SGCD: variants seen among roughly 807,000 people sequenced by gnomAD.
SGCD encodes sarcoglycan delta, also known as delta-sarcoglycan.
In SGCD, 18 loss-of-function variants were observed where a neutral mutation model predicts 36.6. That is an observed-to-expected ratio of 0.49 (90% CI 0.34 to 0.73). SGCD has a LOEUF of 0.73. Among genes scored for constraint, SGCD ranks in the 30% least tolerant of loss-of-function variants. The pLI is 0.01. For synonymous variants in SGCD, 133 were observed against 130.6 expected (o/e 1.02, Z -0.12); for missense variants, 387 against 346.7 (o/e 1.12, Z -0.92).
chr5:155,988,305 C>G (rs1758371462), intron 1 of SGCD, among the ~76,000 whole-genome samples: 1 of 152,088 alleles, frequency 6.6e-6, no homozygotes. Flanking sequence ...CAGCCATACC[C>G]TTTCCTTTCG....
chr5:155,800,628 G>C, the SGCD span, among the ~76,000 whole-genome samples: 1 of 151,778 alleles, frequency 6.6e-6, no homozygotes, highest in Non-Finnish European at 1.5e-5. Context: ...TTACCGGAAT[G>C]TGGCTGGAGT....
chr5:156,378,945 A>G (rs1770826131), intron 3 of SGCD, among the ~76,000 whole-genome samples: 1 of 152,182 alleles, frequency 6.6e-6, no homozygotes, highest in African/African-American at 2.4e-5. Context: ...TTTTATGATG[A>G]ATCACTTTTT....
intron 3 of SGCD, among the ~76,000 whole-genome samples, chr5:156,422,275 C>T (rs1773345794): frequency 6.6e-6 from 1 of 152,082 alleles, no homozygotes; most frequent in Non-Finnish European, 1.5e-5. Flanking sequence ...AATGTGGAAT[C>T]TGACCCATCA....
At chr5:155,954,018 C>T (rs1456188200) in intron 1 of SGCD, among the ~76,000 whole-genome samples, 6 of 152,062 alleles carry the variant, frequency 3.9e-5, no homozygotes, top group Admixed American at 6.6e-5. Context: ...TTTATTATTT[C>T]GTAGCAGAAA....
chr5:155,905,718 G>T (rs1299027544), intron 1 of SGCD, among the ~76,000 whole-genome samples: 1 of 152,092 alleles, frequency 6.6e-6, no homozygotes, highest in South Asian at 2.1e-4. Flanking sequence ...AGTCTTTCCT[G>T]TATTATTCTC....
At chr5:156,091,401 A>G (rs547135808) in intron 1 of SGCD, among the ~76,000 whole-genome samples, 10 of 152,340 alleles carry the variant, frequency 6.6e-5, no homozygotes, top group African/African-American at 2.4e-4. Flanking sequence ...TCCTTGGGAC[A>G]GCTCTAGGGC....
intron 3 of SGCD, among the ~76,000 whole-genome samples, chr5:156,282,365 G>T (rs889901906): frequency 2.0e-5 from 3 of 152,184 alleles, no homozygotes; most frequent in African/African-American, 7.2e-5. Flanking sequence ...GGGGGAAAGG[G>T]TTGTTTATAT....
At chr5:156,331,039 AT>A (rs1218551529) in intron 2 of SGCD, among the ~76,000 whole-genome samples, 2 of 152,224 alleles carry the variant, frequency 1.3e-5, no homozygotes, top group African/African-American at 4.8e-5. Flanking sequence ...AAATATATTA[AT>A]ACATATAGTT....
rs565045565 is a variant in SGCD at position 156,674,331 on chromosome 5, A to C, written c.575+26795A>C. Among the ~76,000 whole-genome samples, 19 of 152,366 alleles carry C rather than the reference A, an allele frequency of 1.2e-4. No homozygotes were observed. The South Asian group carries it at 2.9e-3, about 23-fold the overall frequency. On this transcript the variant is annotated intron_variant, in intron 7 of 8. Coordinates refer to ENST00000337851, the MANE Select transcript of SGCD (RefSeq NM_000337.6). ...AATCCCATAGCGTGAGCCATGCAGC[A>C]ACTAAGTTAAGAACAGGTAAAGGCA...
chr5:156,565,803 T>A (rs940252236), intron 4 of SGCD, among the ~76,000 whole-genome samples: 19 of 152,114 alleles, frequency 1.2e-4, no homozygotes, highest in African/African-American at 3.6e-4. Flanking sequence ...AGTGTTTGGT[T>A]TTCTGTTTCT....
the SGCD span, among the ~76,000 whole-genome samples, chr5:155,762,322 AT>A: frequency 3.3e-5 from 5 of 152,208 alleles, no homozygotes; most frequent in Non-Finnish European, 5.9e-5. Flanking sequence ...GAATGAAATT[AT>A]GGTTAATGCA....
intron 3 of SGCD, among the ~76,000 whole-genome samples, chr5:156,351,603 GTCATCATCATCATCA>G (rs141077881): frequency 2.0e-4 from 30 of 149,100 alleles, no homozygotes; most frequent in Admixed American, 7.4e-4. Context: ...TATCGTCGTA[GTCATCATCATCATCA>G]TCATCATCAT....
intron 7 of SGCD, among the ~76,000 whole-genome samples, chr5:156,665,055 C>T (rs2113640125): frequency 6.6e-6 from 1 of 151,376 alleles, no homozygotes; most frequent in East Asian, 1.9e-4. Context: ...GGTATGGCGC[C>T]CTGCCCTGTG....
chr5:156,289,339 A>G (rs965451072), intron 3 of SGCD, among the ~76,000 whole-genome samples: 8 of 152,116 alleles, frequency 5.3e-5, no homozygotes, highest in African/African-American at 1.7e-4. Flanking sequence ...ATACACGTGC[A>G]GAATGTGCAG....
chr5:156,227,383 T>A (rs950950044), intron 3 of SGCD, among the ~76,000 whole-genome samples: 6 of 152,178 alleles, frequency 3.9e-5, no homozygotes, highest in Non-Finnish European at 5.9e-5. Flanking sequence ...CATGTTTTTG[T>A]TTGCTTTGTC....
At chr5:156,059,157 G>T (rs1760138379) in intron 1 of SGCD, among the ~76,000 whole-genome samples, 1 of 145,146 alleles carries the variant, frequency 6.9e-6, no homozygotes, top group African/African-American at 2.5e-5. Flanking sequence ...TTTGAGGGCA[G>T]TTCTGTTGAT....
At chr5:155,737,475 T>C in the SGCD span, among the ~76,000 whole-genome samples, 2 of 152,362 alleles carry the variant, frequency 1.3e-5, no homozygotes, top group South Asian at 4.1e-4. Flanking sequence ...TACTTTCCAT[T>C]CTATTCCCAT....
chr5:156,002,459 G>A (rs1326239373), intron 1 of SGCD, among the ~76,000 whole-genome samples: 1 of 152,210 alleles, frequency 6.6e-6, no homozygotes, highest in Non-Finnish European at 1.5e-5. Context: ...GGGTATTCTA[G>A]AGGTTGCATT....
At chr5:156,646,329 C>G in intron 6 of SGCD, among the ~76,000 whole-genome samples, 1 of 152,162 alleles carries the variant, frequency 6.6e-6, no homozygotes, top group East Asian at 1.9e-4. Context: ...TCAGTGGGCA[C>G]CAGCTTAGCC....
Sources: gnomAD v4.1 joint callset for allele counts (sites outside exome capture counted in the v4.1 genomes callset) on GRCh38, gnomAD v4.1.1 for gene constraint, MANE v1.5 for transcripts, NCBI Gene and HGNC (gene_info 2026-07-23, HGNC 2026-07-21) for gene names.